The following CCDC146 variants were observed in gnomAD, a reference collection of about 807,000 sequenced individuals.
CCDC146 encodes coiled-coil domain-containing protein 146.
CCDC146 carries 92 observed loss-of-function variants against 119.3 expected under a neutral mutation model. That is an observed-to-expected ratio of 0.77 (90% CI 0.65 to 0.92). The LOEUF (loss-of-function observed/expected upper bound fraction) is 0.92, where lower values mean the gene tolerates loss of function less well. Among genes scored for constraint, CCDC146 ranks in the 40% least tolerant of loss-of-function variants. The pLI, the probability that CCDC146 is intolerant of heterozygous loss-of-function variation, is 0.00. For synonymous variants in CCDC146, 372 were observed against 371.8 expected (o/e 1.00, Z -0.01); for missense variants, 1,000 against 1,103.0 (o/e 0.91, Z 1.32).
At chr7:77,291,838 T>C (rs1388713675) in intron 17 of CCDC146, among the ~76,000 whole-genome samples, 1 of 152,242 alleles carries the variant, frequency 6.6e-6, no homozygotes, top group African/African-American at 2.4e-5. Flanking sequence ...TGATCAATAA[T>C]GCCAACATGT....
Position 77,282,692 on chromosome 7 carries a change from G to A in CCDC146, c.2055G>A (p.Lys685=), listed in dbSNP as rs1793785767. Residue 685 remains lysine, a synonymous_variant, in exon 15 of 19, where the codon AAG becomes AAA. Transcript: ENST00000285871. ...LEEKIQFLKM[K]IAEKQRQICV... ...AAAAGATCCAATTCCTGAAAATGAA[G>A]ATTGCTGAGAAGCAAAGACAAATTT... is the stretch of plus-strand genomic sequence containing the variant. 1.2e-6 allele frequency: 2 copies of A among 1,614,144 alleles called. No homozygotes were observed. The highest frequency in any genetic ancestry group is 1.7e-6 in the Non-Finnish European group (2 of 1,179,996).
Position 77,196,741 on chromosome 7 carries a change from G to T in CCDC146, c.156+28917G>T. 6.2e-7 allele frequency: 1 copy of T among 1,613,894 alleles called. No individual in the cohort carries two copies. Among genetic ancestry groups the T allele is most frequent in the Non-Finnish European group, 8.5e-7 (1 of 1,179,946 alleles). On this transcript the variant is annotated intron_variant, in intron 2 of 18. Transcript: ENST00000285871. The surrounding 1 kb of genome is among the most constrained non-coding windows in gnomAD (Gnocchi z 4.2). ...TCTTGGTCAGAAGATGAATTTTATC[G>T]TTCCCCAGCCAAAATTCCCTTCTGA...
intron 1 of CCDC146, among the ~76,000 whole-genome samples, chr7:77,160,580 T>G (rs989245226): frequency 1.6e-4 from 25 of 152,202 alleles, no homozygotes; most frequent in Admixed American, 9.2e-4. Flanking sequence ...TGTCTATTAT[T>G]GGTGTATAGG....
intron 2 of CCDC146, among the ~76,000 whole-genome samples, chr7:77,192,409 C>G (rs118039379): frequency 6.6e-6 from 1 of 152,270 alleles, no homozygotes; most frequent in Non-Finnish European, 1.5e-5. Context: ...AAGGCCAGCT[C>G]CTGAGTTCCT....
In CCDC146 at chr7:77,256,386, A is replaced by G. The variant is rs1269344034; in HGVS notation, c.561A>G (p.Lys187=). The G allele has an allele frequency of 6.2e-7, 1 of 1,602,512 alleles. No individual in the cohort carries two copies. The highest frequency in any genetic ancestry group is 1.1e-5 in the South Asian group (1 of 87,970). The part of the protein sequence containing the change: ...ILRESTEELR[K]EIMQKKLEIK... Reference sequence around the variant, plus strand: ...GAGAAAGCACTGAAGAATTACGTAAAGAAATAATGCAGAAGAAATTAGAAA... The same window carrying G: ...GAGAAAGCACTGAAGAATTACGTAAGGAAATAATGCAGAAGAAATTAGAAA... Residue 187 remains lysine, a synonymous_variant, in exon 6 of 19, where the codon AAA becomes AAG. Transcript: ENST00000285871.
intron 1 of CCDC146, among the ~76,000 whole-genome samples, chr7:77,156,943 A>G (rs559612586): frequency 1.3e-5 from 2 of 149,042 alleles, no homozygotes; most frequent in South Asian, 4.2e-4. Context: ...AATTGAAGGC[A>G]CTTGTCATAC....
At chr7:77,144,898 G>T (rs1218409677) in intron 1 of CCDC146, among the ~76,000 whole-genome samples, 1 of 151,410 alleles carries the variant, frequency 6.6e-6, no homozygotes. Flanking sequence ...CTGTGTCTCT[G>T]CCAGCCTTTG....
intron 2 of CCDC146, among the ~76,000 whole-genome samples, chr7:77,230,660 T>C (rs538298216): frequency 6.6e-6 from 1 of 152,330 alleles, no homozygotes; most frequent in African/African-American, 2.4e-5. Context: ...TGGAGATTTA[T>C]CTTTATCTTT....
At chr7:77,191,636 C>T (rs1314785470) in intron 2 of CCDC146, among the ~76,000 whole-genome samples, 1 of 152,134 alleles carries the variant, frequency 6.6e-6, no homozygotes, top group Non-Finnish European at 1.5e-5. Flanking sequence ...GGGCCTGGCG[C>T]AGTGGCTCAC....
At chr7:77,145,810 C>A (rs558734011) in intron 1 of CCDC146, among the ~76,000 whole-genome samples, 3 of 152,194 alleles carry the variant, frequency 2.0e-5, no homozygotes, top group African/African-American at 7.2e-5. Flanking sequence ...TGTTCTTTTA[C>A]ATTTGCTGAG....
chr7:77,169,511 T>C (rs903397707), intron 2 of CCDC146, among the ~76,000 whole-genome samples: 10 of 152,290 alleles, frequency 6.6e-5, no homozygotes, highest in Non-Finnish European at 1.5e-4. Flanking sequence ...GGTTGTCAAA[T>C]GGTGATTTTC....
chr7:77,176,319 G>C (rs1231805010), intron 2 of CCDC146, among the ~76,000 whole-genome samples: 1 of 151,210 alleles, frequency 6.6e-6, no homozygotes, highest in Non-Finnish European at 1.5e-5. Context: ...AAGATGTGAA[G>C]AGAGACTGCA....
chr7:77,138,693 G>T (rs1258286024), intron 1 of CCDC146, among the ~76,000 whole-genome samples: 2 of 152,078 alleles, frequency 1.3e-5, no homozygotes, highest in East Asian at 3.9e-4. Flanking sequence ...ACAACAAAAA[G>T]ATTTAAAAAC....
At position 77,273,697 on chromosome 7, in the gene CCDC146, G is replaced by T; in HGVS notation, c.1177G>T (p.Glu393Ter). The T allele has an allele frequency of 1.2e-6, 2 of 1,604,066 alleles. No homozygotes were observed. Among genetic ancestry groups the T allele is most frequent in the African/African-American group, 2.7e-5 (2 of 74,596 alleles). The change falls in exon 10 of 19, where the codon GAA (glutamate) becomes TAA (stop). Residue 393 changes from glutamate (E) to a stop codon, truncating the protein, a stop_gained. Transcript: ENST00000285871. LOFTEE classifies it high-confidence loss of function. The part of the protein sequence containing the change: ...ALHQRLLLEM[E>*]AIPKDDSTLS... ...GTTTTTAAATTTTGATTTCCAGATGGAAGCTATCCCCAAAGATGATTCTAC... is the reference window on the plus strand; with the variant it reads ...GTTTTTAAATTTTGATTTCCAGATGTAAGCTATCCCCAAAGATGATTCTAC...
intron 2 of CCDC146, among the ~76,000 whole-genome samples, chr7:77,208,434 G>A (rs1249901745): frequency 2.0e-5 from 3 of 152,132 alleles, no homozygotes; most frequent in African/African-American, 4.8e-5. Flanking sequence ...GCATGTTACT[G>A]TACTGAATAC....
intron 2 of CCDC146, among the ~76,000 whole-genome samples, chr7:77,181,237 G>A (rs886212310): frequency 3.9e-5 from 6 of 152,168 alleles, no homozygotes; most frequent in African/African-American, 1.4e-4. Flanking sequence ...AATAGATGAG[G>A]TAGGGGTAAG....
intron 6 of CCDC146, among the ~76,000 whole-genome samples, chr7:77,258,394 A>G (rs1793221465): frequency 6.6e-6 from 1 of 152,040 alleles, no homozygotes. Context: ...TCAGCTTATG[A>G]TTTTTCTACT....
intron 2 of CCDC146, among the ~76,000 whole-genome samples, chr7:77,183,298 C>T (rs1285396330): frequency 6.6e-6 from 1 of 152,014 alleles, no homozygotes; most frequent in Non-Finnish European, 1.5e-5. Flanking sequence ...GTTTTTTCCA[C>T]TTTTCCTTCC....
At chr7:77,177,618 A>T (rs1168241463) in intron 2 of CCDC146, among the ~76,000 whole-genome samples, 2 of 152,230 alleles carry the variant, frequency 1.3e-5, no homozygotes, top group Non-Finnish European at 2.9e-5. Flanking sequence ...TAGACTGTGT[A>T]TTAAAACAAA....
Sources: gnomAD v4.1 joint callset for allele counts (sites outside exome capture counted in the v4.1 genomes callset) on GRCh38, gnomAD v4.1.1 for gene constraint, Gnocchi (gnomAD v3.1) non-coding constraint, MANE v1.5 for transcripts, NCBI Gene and HGNC (gene_info 2026-07-23, HGNC 2026-07-21) for gene names.